The following SP3 variants were observed in gnomAD, a reference collection of about 807,000 sequenced individuals.
SP3 encodes Sp3 transcription factor.
SP3 carries 10 observed loss-of-function variants against 70.3 expected under a neutral mutation model. The ratio of observed to expected loss-of-function variants is 0.14; its 90% CI spans 0.09 to 0.24. The LOEUF (loss-of-function observed/expected upper bound fraction) is 0.24. Among genes scored for constraint, SP3 ranks in the 10% least tolerant of loss-of-function variants. The pLI is 1.00. For synonymous variants in SP3, 402 were observed against 333.5 expected (o/e 1.21, Z -2.24); for missense variants, 825 against 914.6 (o/e 0.90, Z 1.26).
chr2:173,951,607 A>G (rs1044754871), intron 4 of SP3, among the ~76,000 whole-genome samples: 2 of 152,238 alleles, frequency 1.3e-5, no homozygotes, highest in South Asian at 2.1e-4. Context: ...GGGCTGAACC[A>G]TATGAAGAGT....
chr2:173,963,009 GCCAA>G (rs1691135044), intron 3 of SP3: 3 of 152,244 alleles, frequency 2.0e-5, no homozygotes, highest in South Asian at 2.1e-4. Flanking sequence ...ACATACTTTT[GCCAA>G]CCAAATTCAG....
rs536537799 is a variant in SP3 at position 173,961,935 on chromosome 2, G to GTT, written c.279+1824_279+1825dup. 8.1e-3 allele frequency among the ~76,000 whole-genome samples: 651 copies of GTT among 80,420 alleles called. 7 individuals are homozygous for GTT. The highest frequency in any genetic ancestry group is 0.011 in the Non-Finnish European group (448 of 41,056). The allele number at this position is 80,420 out of a possible 152,430, so 52.8% of individuals were successfully genotyped here. ...CAGACATCATAAATATATGGTTTGGGTTTTTTTTTTTTTTTTTTTTTTTTT... is the reference window on the plus strand; with the variant it reads ...CAGACATCATAAATATATGGTTTGGGTTTTTTTTTTTTTTTTTTTTTTTTTTT... On this transcript the variant is annotated intron_variant, in intron 3 of 6. Coordinates refer to ENST00000310015, the MANE Select transcript of SP3 (RefSeq NM_003111.5).
At chr2:173,929,119 C>G (rs934781553) in intron 4 of SP3, among the ~76,000 whole-genome samples, 1 of 152,200 alleles carries the variant, frequency 6.6e-6, no homozygotes, top group African/African-American at 2.4e-5. Flanking sequence ...ATACATGCTT[C>G]CAAGGTTGCC....
rs1691221415 is a variant in SP3 at position 173,964,504 on chromosome 2, A to G, written c.57T>C (p.Asp19=). Residue 19 remains aspartate (D), a synonymous_variant, in exon 2 of 7, where the codon GAT becomes GAC. Transcript: ENST00000310015. ...CGCCGCCGCCACCGCCGCCGCCGCT[A>G]TCCACGTCCAAGGCAGCCATTTCCT... ...KQEEMAALDV[D]SGGGGGGGGG... 1.6e-6 allele frequency: 1 copy of G among 615,246 alleles called. No individual in the cohort carries two copies. Among genetic ancestry groups the G allele is most frequent in the Non-Finnish European group, 3.1e-6 (1 of 324,952 alleles). 38.1% of individuals were successfully genotyped at this position (615,246 alleles called of 1,614,324 possible).
intron 6 of SP3, among the ~76,000 whole-genome samples, chr2:173,911,761 C>CT (rs1689489561): frequency 6.7e-6 from 1 of 150,274 alleles, no homozygotes; most frequent in African/African-American, 2.5e-5. Flanking sequence ...GTAATTATCT[C>CT]TGTTTCTGAG....
chr2:173,952,735 T>G (rs1690749410), intron 4 of SP3, among the ~76,000 whole-genome samples: 1 of 152,130 alleles, frequency 6.6e-6, no homozygotes, highest in African/African-American at 2.4e-5. Flanking sequence ...AGAAATGAGG[T>G]AATGACACAT....
At chr2:173,927,153 G>A (rs1038523230) in intron 4 of SP3, among the ~76,000 whole-genome samples, 2 of 152,016 alleles carry the variant, frequency 1.3e-5, no homozygotes, top group African/African-American at 4.8e-5. Context: ...GGAGGATGGT[G>A]GTAAGCCATG....
chr2:173,933,217 T>C (rs1690113768), intron 4 of SP3, among the ~76,000 whole-genome samples: 1 of 147,994 alleles, frequency 6.8e-6, no homozygotes, highest in Admixed American at 6.8e-5. Flanking sequence ...CAATCTTTTA[T>C]CAATAATACA....
chr2:173,959,494 G>A (rs371467439), intron 3 of SP3, among the ~76,000 whole-genome samples: 30 of 152,322 alleles, frequency 2.0e-4, no homozygotes, highest in East Asian at 1.9e-3. Context: ...GGGAGGCTGA[G>A]GCGGGCAGAT....
At chr2:173,963,692 C>T (rs1020701671) in intron 3 of SP3, 69 bp downstream of exon 3, 1 of 581,422 alleles carries the variant, frequency 1.7e-6, no homozygotes. Context: ...GCCTTTTGGG[C>T]AGGCGCGCCA....
At chr2:173,957,904 A>G (rs774228869) in intron 3 of SP3, among the ~76,000 whole-genome samples, 1 of 152,182 alleles carries the variant, frequency 6.6e-6, no homozygotes, top group Admixed American at 6.5e-5. Flanking sequence ...ATCAGACATT[A>G]AAGTCACATG....
At chr2:173,927,073 G>A (rs1157133589) in intron 4 of SP3, among the ~76,000 whole-genome samples, 1 of 151,972 alleles carries the variant, frequency 6.6e-6, no homozygotes, top group African/African-American at 2.4e-5. Flanking sequence ...GGCAGCAAGA[G>A]GGTGGCAAGA....
At chr2:173,951,034 T>C (rs1690697138) in intron 4 of SP3, among the ~76,000 whole-genome samples, 1 of 152,220 alleles carries the variant, frequency 6.6e-6, no homozygotes, top group South Asian at 2.1e-4. Context: ...TAAAATTCCA[T>C]TTTGTATTCA....
At chr2:173,920,505 T>G (rs1046726444) in intron 4 of SP3, among the ~76,000 whole-genome samples, 1 of 152,106 alleles carries the variant, frequency 6.6e-6, no homozygotes, top group East Asian at 1.9e-4. Flanking sequence ...GATGTTGACA[T>G]AGGGAAGGGT....
chr2:173,958,909 A>T (rs966842949), intron 3 of SP3, among the ~76,000 whole-genome samples: 1 of 152,270 alleles, frequency 6.6e-6, no homozygotes, highest in Middle Eastern at 3.4e-3. Context: ...GAATCAGAAG[A>T]AAAATATTAA....
At chr2:173,933,659 TATATATATATATAA>T (rs1690133041) in intron 4 of SP3, among the ~76,000 whole-genome samples, 1 of 142,166 alleles carries the variant, frequency 7.0e-6, no homozygotes, top group African/African-American at 2.6e-5. Context: ...TATATATATA[TATATATATATATAA>T]AAGTTATAAA....
At chr2:173,963,980 GC>G in intron 2 of SP3, 97 bp from the exon 3 acceptor site, 1 of 776,482 alleles carries the variant, frequency 1.3e-6, no homozygotes, top group Non-Finnish European at 1.9e-6. Flanking sequence ...CTCGGTCCCC[GC>G]CGACTGCGCC....
chr2:173,909,429 T>C lies in SP3; in HGVS notation c.*512A>G, dbSNP rs1461997620. On this transcript the variant is annotated 3_prime_UTR_variant, in exon 7 of 7. Coordinates refer to ENST00000310015, the MANE Select transcript of SP3 (RefSeq NM_003111.5). ...GTTAACCTAATTAAAATAATTAGCT[T>C]CAAAATGACAAATTGATAAGCTAAG... The C allele has an allele frequency of 6.5e-6, 1 of 153,116 alleles. No individual in the cohort carries two copies. The highest frequency in any genetic ancestry group is 1.5e-5 in the Non-Finnish European group (1 of 68,376). 9.5% of individuals were successfully genotyped at this position (153,116 alleles called of 1,614,324 possible). A position where few individuals can be genotyped will look rare whatever the true frequency, so the allele number is the denominator to read the frequency against.
chr2:173,945,931 G>C (rs191409887), intron 4 of SP3, among the ~76,000 whole-genome samples: 2 of 152,254 alleles, frequency 1.3e-5, no homozygotes, highest in Non-Finnish European at 2.9e-5. Flanking sequence ...TTCAAGACCA[G>C]CCTGGCCAAC....
Sources: allele counts gnomAD v4.1 joint callset (sites outside exome capture counted in the v4.1 genomes callset), GRCh38; gene constraint gnomAD v4.1.1; transcripts MANE v1.5; gene names NCBI Gene and HGNC (gene_info 2026-07-23, HGNC 2026-07-21).